IMMP2L: variants seen among roughly 807,000 people sequenced by gnomAD.
The protein encoded by IMMP2L is inner mitochondrial membrane peptidase subunit 2.
In IMMP2L, 18 loss-of-function variants were observed where a neutral mutation model predicts 19.3. The observed-to-expected ratio is 0.93, with a 90% CI of 0.64 to 1.38. The LOEUF (loss-of-function observed/expected upper bound fraction) is 1.38, where lower values mean the gene tolerates loss of function less well. Ranked by LOEUF, IMMP2L falls within the 40% of genes most tolerant of loss-of-function variation. The probability of loss-of-function intolerance (pLI) is 0.00; values close to 1 mark genes in which losing one functional copy is unlikely to be tolerated. For synonymous variants in IMMP2L, 76 were observed against 73.0 expected, an observed-to-expected ratio of 1.04 and a Z score of -0.21; for missense variants, 233 against 218.2, an observed-to-expected ratio of 1.07 and a Z score of -0.43.
At chr7:111,478,311 T>G (rs142419975) in intron 3 of IMMP2L, among the ~76,000 whole-genome samples, 54 of 152,270 alleles carry the variant, frequency 3.5e-4, no homozygotes, top group African/African-American at 1.2e-3. Context: ...ATTTCTAGAA[T>G]TTCTTTAAAT....
intron 3 of IMMP2L, among the ~76,000 whole-genome samples, chr7:111,286,544 T>A (rs1485202458): frequency 6.6e-6 from 1 of 152,150 alleles, no homozygotes; most frequent in Non-Finnish European, 1.5e-5. Context: ...GATTACATAT[T>A]CCTCAGAAAT....
intron 3 of IMMP2L, among the ~76,000 whole-genome samples, chr7:111,145,691 T>C (rs1803394298): frequency 6.6e-6 from 1 of 151,980 alleles, no homozygotes; most frequent in South Asian, 2.1e-4. Flanking sequence ...GAATGCTGAG[T>C]CTGGTGGTTG....
intron 3 of IMMP2L, among the ~76,000 whole-genome samples, chr7:111,129,603 T>C (rs1030127192): frequency 2.6e-5 from 4 of 152,102 alleles, no homozygotes; most frequent in African/African-American, 4.8e-5. Flanking sequence ...AGGTCGTTGC[T>C]TGGGAGAACT....
At chr7:111,025,804 C>G (rs1164874908) in intron 3 of IMMP2L, among the ~76,000 whole-genome samples, 1 of 152,142 alleles carries the variant, frequency 6.6e-6, no homozygotes, top group Non-Finnish European at 1.5e-5. Context: ...AATAACGAAT[C>G]TCATTTTAAC....
chr7:111,115,252 G>T (rs1799740055), intron 3 of IMMP2L, among the ~76,000 whole-genome samples: 1 of 152,040 alleles, frequency 6.6e-6, no homozygotes, highest in Admixed American at 6.6e-5. Context: ...CCAGTATATG[G>T]TGTGATGCTT....
intron 5 of IMMP2L, among the ~76,000 whole-genome samples, chr7:110,819,633 A>G (rs1319536173): frequency 1.3e-5 from 2 of 152,044 alleles, no homozygotes; most frequent in Non-Finnish European, 1.5e-5. Flanking sequence ...CTTAAACCAC[A>G]CAGTATGAAT....
chr7:110,678,054 T>A (rs559287794), intron 5 of IMMP2L, among the ~76,000 whole-genome samples: 1 of 152,256 alleles, frequency 6.6e-6, no homozygotes, highest in East Asian at 1.9e-4. Flanking sequence ...CTAGGAATAT[T>A]TCCTGTAGAC....
chr7:111,523,784 G>A (rs1024009722), intron 1 of IMMP2L, among the ~76,000 whole-genome samples: 1 of 152,026 alleles, frequency 6.6e-6, no homozygotes, highest in Non-Finnish European at 1.5e-5. Flanking sequence ...CTCAAGAAAC[G>A]TGTTTGGCCC....
intron 3 of IMMP2L, among the ~76,000 whole-genome samples, chr7:111,336,155 T>C (rs565972877): frequency 1.3e-5 from 2 of 151,794 alleles, no homozygotes; most frequent in African/African-American, 4.8e-5. Context: ...GAAGAAATCC[T>C]CCTGCCTCAG....
At chr7:111,529,015 A>C (rs1847145577) in intron 1 of IMMP2L, among the ~76,000 whole-genome samples, 1 of 152,184 alleles carries the variant, frequency 6.6e-6, no homozygotes, top group Non-Finnish European at 1.5e-5. Context: ...GTGTTATAGA[A>C]CAAGGTCAGC....
intron 3 of IMMP2L, among the ~76,000 whole-genome samples, chr7:111,117,538 T>G (rs1452263765): frequency 6.6e-6 from 1 of 152,100 alleles, no homozygotes; most frequent in Admixed American, 6.5e-5. Flanking sequence ...TCCTGAGAGT[T>G]GTCATATAAA....
intron 3 of IMMP2L, among the ~76,000 whole-genome samples, chr7:111,428,465 T>C (rs1417947527): frequency 6.6e-6 from 1 of 151,810 alleles, no homozygotes; most frequent in Non-Finnish European, 1.5e-5. Context: ...AGATGCTTCA[T>C]ATGTGAAATA....
intron 3 of IMMP2L, among the ~76,000 whole-genome samples, chr7:111,109,743 C>G (rs1798972703): frequency 6.6e-6 from 1 of 152,160 alleles, no homozygotes; most frequent in Non-Finnish European, 1.5e-5. Context: ...TGAATTTGTA[C>G]ATTGTAGCAC....
At chr7:111,008,648 A>T (rs1824573022) in intron 3 of IMMP2L, among the ~76,000 whole-genome samples, 1 of 139,624 alleles carries the variant, frequency 7.2e-6, no homozygotes, top group Non-Finnish European at 1.5e-5. Flanking sequence ...GCCCCCTATT[A>T]AAAAAAAAAA....
intron 4 of IMMP2L, chr7:110,963,178 T>A: frequency 9.9e-7 from 1 of 1,006,544 alleles, no homozygotes; most frequent in Non-Finnish European, 1.4e-6. Flanking sequence ...AACCTTAACA[T>A]CATAATCTTA....
rs1213350448 is a variant in IMMP2L at position 111,123,696 on chromosome 7, G to A, written c.240-160131C>T. 1.2e-6 allele frequency: 2 copies of A among 1,613,836 alleles called. No individual in the cohort carries two copies. Among genetic ancestry groups the A allele is most frequent in the Admixed American group, 1.7e-5 (1 of 59,956 alleles). ...TCGATAGTCTTGCTGTGGATAACCTGCCAGATTTAAGAAAAATAGAAGCTA... is the reference window on the plus strand; with the variant it reads ...TCGATAGTCTTGCTGTGGATAACCTACCAGATTTAAGAAAAATAGAAGCTA... On this transcript the variant is annotated intron_variant, in intron 3 of 5. Coordinates refer to ENST00000405709, the MANE Select transcript of IMMP2L (RefSeq NM_032549.4). This position sits in a 1 kb window ranked among gnomAD's most constrained non-coding sequence, Gnocchi z 6.4.
chr7:111,148,380 T>C (rs1474334307), intron 3 of IMMP2L, among the ~76,000 whole-genome samples: 2 of 151,996 alleles, frequency 1.3e-5, no homozygotes, highest in African/African-American at 2.4e-5. Context: ...TAGGGAATGA[T>C]TGCTAGAGTG....
In IMMP2L at chr7:111,016,875, A is replaced by T. The variant is rs1334177573; in HGVS notation, c.240-53310T>A. Among the ~76,000 whole-genome samples the T allele has an allele frequency of 3.4e-5, 3 of 89,472 alleles. No homozygotes were observed. In the East Asian group the frequency reaches 8.9e-4, roughly 27 times the overall value. The allele number at this position is 89,472 out of a possible 152,430, so 58.7% of individuals were successfully genotyped here. On this transcript the variant is annotated intron_variant, in intron 3 of 5. Transcript: ENST00000405709. ...ATATATTATATAATATATTACATAT[A>T]ATATATATTATATATAATATATATT...
intron 5 of IMMP2L, among the ~76,000 whole-genome samples, chr7:110,667,065 T>A (rs2077833406): frequency 6.6e-6 from 1 of 152,072 alleles, no homozygotes; most frequent in Non-Finnish European, 1.5e-5. Context: ...TAGAGAGGGG[T>A]TTCACCGTGT....
Sources: allele counts gnomAD v4.1 joint callset (sites outside exome capture counted in the v4.1 genomes callset), GRCh38; gene constraint gnomAD v4.1.1; non-coding constraint Gnocchi (gnomAD v3.1); transcripts MANE v1.5; gene names NCBI Gene and HGNC (gene_info 2026-07-23, HGNC 2026-07-21).